Variants in STOX2 observed in about 807,000 individuals in gnomAD.
STOX2 encodes storkhead-box protein 2.
A neutral mutation model predicts 60.9 loss-of-function variants in STOX2; 28 were observed. That is an observed-to-expected ratio of 0.46 (90% confidence interval 0.34 to 0.63). STOX2 has a LOEUF of 0.63. Ranked by LOEUF, STOX2 falls within the 30% of genes least tolerant of loss-of-function variation. The probability of loss-of-function intolerance (pLI) is 0.01; values close to 1 mark genes in which losing one functional copy is unlikely to be tolerated. For synonymous variants in STOX2, 472 were observed against 463.9 expected (o/e 1.02, Z -0.22); for missense variants, 1,024 against 1,187.7 (o/e 0.86, Z 2.03).
chr4:183,939,310 C>T (rs1296464597), intron 1 of STOX2, among the ~76,000 whole-genome samples: 6 of 152,194 alleles, frequency 3.9e-5, no homozygotes, highest in African/African-American at 1.4e-4. Context: ...CCGGTGACTC[C>T]AAGTCCTCCT....
In STOX2 at chr4:183,874,955, ATATATATATAT is replaced by A. The variant is rs1740791168; in HGVS notation, c.364+76901_364+76911del. The stretch of plus-strand genomic sequence containing the variant: ...AAAAAAAAAAAAAAAAAAAAAAAAT[ATATATATATAT>A]ATATATATATATATATATATATATA... On this transcript the variant is annotated intron_variant, in intron 1 of 2. Coordinates refer to the STOX2 transcript ENST00000513034. 9.7e-3 allele frequency among the ~76,000 whole-genome samples: 293 copies of A among 30,168 alleles called. 7 individuals are homozygous for A. Among genetic ancestry groups the A allele is most frequent in the Middle Eastern group, 0.04 (2 of 50 alleles). 19.8% of individuals were successfully genotyped at this position (30,168 alleles called of 152,430 possible).
intron 1 of STOX2, among the ~76,000 whole-genome samples, chr4:183,875,897 T>G (rs1041316262): frequency 5.3e-5 from 8 of 152,122 alleles, no homozygotes; most frequent in African/African-American, 1.9e-4. Context: ...TTTTAAAAAT[T>G]TATTTGTAAA....
intron 1 of STOX2, among the ~76,000 whole-genome samples, chr4:183,983,161 A>G (rs567125085): frequency 6.6e-6 from 1 of 152,106 alleles, no homozygotes; most frequent in East Asian, 1.9e-4. Flanking sequence ...AGACACTCTC[A>G]TCTTGCCTCT....
In STOX2 at chr4:183,886,351, G is replaced by A. The variant is rs73870943; in HGVS notation, c.364+88296G>A. ...TCACTAGGATTGCACAACAGAAAGG[G>A]GGGGGAATGAGGAAAGGCCTCCTTG... On this transcript the variant is annotated intron_variant, in intron 1 of 2. Coordinates refer to the STOX2 transcript ENST00000513034. Among the ~76,000 whole-genome samples the A allele has an allele frequency of 5.4e-4, 82 of 151,984 alleles. 1 individual carries two copies. Among genetic ancestry groups the A allele is most frequent in the African/African-American group, 1.7e-3 (72 of 41,338 alleles).
At chr4:183,863,747 A>G (rs1740502960) in intron 1 of STOX2, among the ~76,000 whole-genome samples, 1 of 152,360 alleles carries the variant, frequency 6.6e-6, no homozygotes, top group Admixed American at 6.5e-5. Context: ...CATAGAAAAG[A>G]GTCCATTTCT....
chr4:184,013,797 A>T (rs1734253409), intron 3 of STOX2, among the ~76,000 whole-genome samples: 1 of 151,966 alleles, frequency 6.6e-6, no homozygotes. Context: ...ATCGTTTTAA[A>T]TTTTTTTTAG....
At chr4:183,827,019 G>A (rs914332711) in intron 1 of STOX2, among the ~76,000 whole-genome samples, 2 of 152,188 alleles carry the variant, frequency 1.3e-5, no homozygotes, top group Non-Finnish European at 2.9e-5. Context: ...TTGAGGTATT[G>A]GCTGTCATTA....
intron 1 of STOX2, among the ~76,000 whole-genome samples, chr4:183,883,337 T>TC (rs1553970592): frequency 2.6e-5 from 4 of 151,674 alleles, no homozygotes; most frequent in African/African-American, 9.7e-5. Context: ...TTTTTTTTTT[T>TC]GAGACAGAGT....
chr4:183,916,211 G>T (rs1360506857), intron 1 of STOX2, among the ~76,000 whole-genome samples: 4 of 152,220 alleles, frequency 2.6e-5, no homozygotes, highest in Non-Finnish European at 5.9e-5. Flanking sequence ...TGCCCCATGT[G>T]CCTTGCTAGT....
intron 1 of STOX2, among the ~76,000 whole-genome samples, chr4:183,892,997 T>C (rs1741261116): frequency 6.6e-6 from 1 of 152,222 alleles, no homozygotes; most frequent in Non-Finnish European, 1.5e-5. Context: ...GACATGGTGA[T>C]GTGTAAGCAC....
chr4:183,975,787 CAA>C (rs1386890918), intron 1 of STOX2, among the ~76,000 whole-genome samples: 1 of 152,074 alleles, frequency 6.6e-6, no homozygotes, highest in Non-Finnish European at 1.5e-5. Flanking sequence ...TTTCAAAAAA[CAA>C]AAGAGGAGGC....
chr4:183,817,526 C>G (rs553225355), intron 1 of STOX2, among the ~76,000 whole-genome samples: 32 of 152,292 alleles, frequency 2.1e-4, no homozygotes, highest in South Asian at 6.2e-4. Flanking sequence ...GGTAGAAAGA[C>G]TGGAAACTCC....
At chr4:183,956,437 TTC>T (rs548648631) in intron 1 of STOX2, among the ~76,000 whole-genome samples, 8 of 137,038 alleles carry the variant, frequency 5.8e-5, no homozygotes, top group South Asian at 2.4e-4. Flanking sequence ...CATTCTATCA[TTC>T]ATCTATCTAT....
intron 1 of STOX2, among the ~76,000 whole-genome samples, chr4:183,807,117 CG>C (rs1738916412): frequency 6.6e-6 from 1 of 152,084 alleles, no homozygotes; most frequent in South Asian, 2.1e-4. Flanking sequence ...GGACTGCAGG[CG>C]ACCACCACCA....
chr4:183,898,889 T>G (rs1178396649), intron 1 of STOX2, among the ~76,000 whole-genome samples: 2 of 152,200 alleles, frequency 1.3e-5, no homozygotes, highest in African/African-American at 4.8e-5. Flanking sequence ...TTCACTGCTC[T>G]TTGCTTTGTT....
Position 183,885,102 on chromosome 4 carries a change from T to G in STOX2, c.364+87047T>G, listed in dbSNP as rs1011156559. ...AATAAAAACCCGTGTCTTCTGGTAA[T>G]TGGGGCCACAGACGCACCTTGTGAC... On this transcript the variant is annotated intron_variant, in intron 1 of 2. Coordinates refer to the STOX2 transcript ENST00000513034. 4.6e-5 allele frequency among the ~76,000 whole-genome samples: 7 copies of G among 152,302 alleles called. No homozygotes were observed. In the East Asian group the frequency reaches 1.2e-3, roughly 25 times the overall value.
chr4:183,887,138 C>T (rs952963011), intron 1 of STOX2, among the ~76,000 whole-genome samples: 1 of 152,130 alleles, frequency 6.6e-6, no homozygotes, highest in Admixed American at 6.5e-5. Context: ...GTGGTGCATG[C>T]CTGTAGTCCC....
At position 184,011,744 on chromosome 4, in the gene STOX2, T is replaced by A; in HGVS notation, c.2585+321T>A. On this transcript the variant is annotated intron_variant, in intron 3 of 3. Coordinates refer to ENST00000308497, the MANE Select transcript of STOX2 (RefSeq NM_020225.3). This position sits in a 1 kb window ranked among gnomAD's most constrained non-coding sequence, Gnocchi z 4.4. ...ATTGCCACCCATGCTAAGAGAAGGA[T>A]GTTTTTTAAGTCCTTCAAAAATAGT... 2 of 829,446 alleles carry A rather than the reference T, an allele frequency of 2.4e-6. No individual in the cohort carries two copies. Among genetic ancestry groups the A allele is most frequent in the South Asian group, 1.8e-5 (1 of 54,376 alleles). 51.4% of individuals were successfully genotyped at this position (829,446 alleles called of 1,614,324 possible).
intron 1 of STOX2, among the ~76,000 whole-genome samples, chr4:183,923,113 C>T (rs1484621475): frequency 6.6e-6 from 1 of 152,172 alleles, no homozygotes; most frequent in East Asian, 1.9e-4. Flanking sequence ...CTGGCAAGTC[C>T]CTGCTTCAGT....
Sources: allele counts gnomAD v4.1 joint callset (sites outside exome capture counted in the v4.1 genomes callset), GRCh38; gene constraint gnomAD v4.1.1; non-coding constraint Gnocchi (gnomAD v3.1); transcripts MANE v1.5; gene names NCBI Gene and HGNC (gene_info 2026-07-23, HGNC 2026-07-21).